BRF1: variants seen among roughly 807,000 people sequenced by gnomAD.
BRF1 encodes BRF1 general transcription factor IIIB subunit.
In BRF1, 59 loss-of-function variants were observed where a neutral mutation model predicts 81.7. The observed-to-expected ratio is 0.72, with a 90% confidence interval of 0.59 to 0.90. The LOEUF (loss-of-function observed/expected upper bound fraction) is 0.90. BRF1 is among the 40% of genes least tolerant of loss of function. The probability of loss-of-function intolerance (pLI) is 0.00; values close to 1 mark genes in which losing one functional copy is unlikely to be tolerated. For synonymous variants in BRF1, 491 were observed against 395.6 expected, an observed-to-expected ratio of 1.24 and a Z score of -2.86; for missense variants, 1,050 against 936.3, an observed-to-expected ratio of 1.12 and a Z score of -1.58.
chr14:105,268,571 G>A (rs2056524236), intron 3 of BRF1, among the ~76,000 whole-genome samples: 1 of 152,262 alleles, frequency 6.6e-6, no homozygotes, highest in South Asian at 2.1e-4. Context: ...TGGGCAGAAG[G>A]AGGAATAAGC....
Position 105,262,281 on chromosome 14 carries a change from C to T in BRF1, c.440-5732G>A, listed in dbSNP as rs587662151. On this transcript the variant is annotated intron_variant, in intron 3 of 17. Coordinates refer to ENST00000547530, the MANE Select transcript of BRF1 (RefSeq NM_001519.4). ...TAGGTCATGAGCAGCCCTGCCCTCC[C>T]GAACTTCCCAGAGACCACCCTGCTC... 5.9e-5 allele frequency among the ~76,000 whole-genome samples: 9 copies of T among 152,314 alleles called. No individual in the cohort carries two copies. In the South Asian group the frequency reaches 8.3e-4, roughly 14 times the overall value.
chr14:105,270,210 G>A lies in BRF1; in HGVS notation c.439+2511C>T, dbSNP rs180869391. Among the ~76,000 whole-genome samples the A allele has an allele frequency of 2.2e-3, 324 of 144,046 alleles. 2 individuals are homozygous for A. Among genetic ancestry groups the A allele is most frequent in the African/African-American group, 8.0e-3 (309 of 38,556 alleles). 94.5% of individuals were successfully genotyped at this position (144,046 alleles called of 152,430 possible). On this transcript the variant is annotated intron_variant, in intron 3 of 17. Transcript: ENST00000547530. ...TTTTTTTGAGACGGAGTCTCACTCT[G>A]TAGCCCAGGCTGGAGTGCAGTGGCG...
chr14:105,226,280 A>G lies in BRF1; in HGVS notation c.926T>C (p.Val309Ala), dbSNP rs937916073. The part of the protein sequence containing the change: ...RKLRMKQLEQ[V>A]LSKKLEEVEG... ...AACCTCCTCCAGTTTTTTTGACAGGACTTGTTCAAGCTGAAAGGGAACAGG... is the reference window on the plus strand; with the variant it reads ...AACCTCCTCCAGTTTTTTTGACAGGGCTTGTTCAAGCTGAAAGGGAACAGG... The change falls in exon 9 of 18, where the codon GTC (valine) becomes GCC (alanine). Residue 309 changes from valine to alanine, a missense_variant. Val to Ala is a moderately conservative substitution (Grantham distance 64). Transcript: ENST00000547530. 2.5e-6 allele frequency: 4 copies of G among 1,614,056 alleles called. No individual in the cohort carries two copies. Among genetic ancestry groups the G allele is most frequent in the Admixed American group, 3.3e-5 (2 of 60,024 alleles).
chr14:105,254,251 TTTTG>T (rs1294369131), intron 4 of BRF1, among the ~76,000 whole-genome samples: 2 of 152,158 alleles, frequency 1.3e-5, no homozygotes, highest in Non-Finnish European at 2.9e-5. Context: ...CGTGCAGTTT[TTTTG>T]TTTTAGTTTG....
Position 105,218,591 on chromosome 14 carries a change from CAG to C in BRF1, c.1515+405_1515+406del, listed in dbSNP as rs1423857093. On this transcript the variant is annotated intron_variant, in intron 14 of 17. Coordinates refer to ENST00000547530, the MANE Select transcript of BRF1 (RefSeq NM_001519.4). Reference sequence around the variant, plus strand: ...CCACGAGGCTGAAGGCACATTCCGCCAGAGAGTAAGCTGGCAGAGCAAGTCAC... The same window carrying C: ...CCACGAGGCTGAAGGCACATTCCGCCAGAGTAAGCTGGCAGAGCAAGTCAC... Among the ~76,000 whole-genome samples the C allele has an allele frequency of 3.3e-5, 5 of 152,214 alleles. No homozygotes were observed. In the East Asian group the frequency reaches 7.7e-4, roughly 23 times the overall value.
Position 105,263,732 on chromosome 14 carries a change from T to C in BRF1, c.440-7183A>G, listed in dbSNP as rs142335583. ...CGAGGTCAGGAGATCGAGACCATCCTGGCTAACACGGCGAAACCCTGTCTC... is the reference window on the plus strand; with the variant it reads ...CGAGGTCAGGAGATCGAGACCATCCCGGCTAACACGGCGAAACCCTGTCTC... On this transcript the variant is annotated intron_variant, in intron 3 of 17. Transcript: ENST00000547530. Among the ~76,000 whole-genome samples, 503 of 152,198 alleles carry C rather than the reference T, an allele frequency of 3.3e-3. 3 individuals carry two copies. The highest frequency in any genetic ancestry group is 0.014 in the East Asian group (75 of 5,180).
intron 1 of BRF1, among the ~76,000 whole-genome samples, chr14:105,307,431 C>T (rs1390968657): frequency 6.6e-6 from 1 of 152,184 alleles, no homozygotes; most frequent in Non-Finnish European, 1.5e-5. Flanking sequence ...AATAAAGGCT[C>T]TTGCCCACCC....
intron 15 of BRF1, 60 bp from the exon 16 acceptor site, chr14:105,212,224 G>A (rs1427295704): frequency 9.6e-6 from 15 of 1,567,444 alleles, no homozygotes; most frequent in Non-Finnish European, 1.2e-5. Flanking sequence ...CTGCCCACTT[G>A]TTCCCTTTTG....
rs1444225051 is a variant in BRF1 at position 105,266,770 on chromosome 14, C to CG, written c.439+5950dup. ...TTAGAAAGGAAGAACCAAGGCTGGG[C>CG]GGGGGGTTCACACCTAGAATCCCAG... On this transcript the variant is annotated intron_variant, in intron 3 of 17. Transcript: ENST00000547530. 2.0e-5 allele frequency among the ~76,000 whole-genome samples: 3 copies of CG among 151,880 alleles called. No individual in the cohort carries two copies. The East Asian group carries it at 5.8e-4, about 29-fold the overall frequency.
At chr14:105,308,026 A>T (rs967044069) in intron 1 of BRF1, among the ~76,000 whole-genome samples, 2 of 150,904 alleles carry the variant, frequency 1.3e-5, no homozygotes, top group African/African-American at 4.9e-5. Flanking sequence ...TCTACAAAAA[A>T]TTTAAAAATT....
rs587712660 is a variant in BRF1 at position 105,312,287 on chromosome 14, A to G, written c.-162+3035T>C. On this transcript the variant is annotated intron_variant, in intron 1 of 17. Coordinates refer to the BRF1 transcript ENST00000327359. ...TTGGGGCTTCGTCTTTTTAATACCA[A>G]TGGAATCCTAGCCAAGCATTCAGAA... 5.3e-5 allele frequency among the ~76,000 whole-genome samples: 8 copies of G among 152,276 alleles called. No homozygotes were observed. The South Asian group carries it at 6.2e-4, about 12-fold the overall frequency.
intron 6 of BRF1, among the ~76,000 whole-genome samples, chr14:105,229,465 G>A (rs2054362253): frequency 6.6e-6 from 1 of 152,236 alleles, no homozygotes; most frequent in Non-Finnish European, 1.5e-5. Context: ...ACGAGGGTAA[G>A]GGCCCGGATG....
At chr14:105,211,983 T>G in intron 16 of BRF1, 130 bp downstream of exon 16, 1 of 1,355,088 alleles carries the variant, frequency 7.4e-7, no homozygotes, top group Non-Finnish European at 1.0e-6. Flanking sequence ...GCCAGGCAAG[T>G]ATGGGGCAGC....
At chr14:105,217,316 T>A in intron 15 of BRF1, 1 of 657,898 alleles carries the variant, frequency 1.5e-6, no homozygotes, top group African/African-American at 1.8e-5. Flanking sequence ...AGGACCCCCC[T>A]GACAGCTGGA....
At position 105,219,777 on chromosome 14, in the gene BRF1, C is replaced by A. The variant is rs1362667425; in HGVS notation, c.1377+292G>T. ...TGTCTAGAGACCCCTCGAGGGGCTGCCCCTGGTGCTATTTGTGCGATGTGT... is the reference window on the plus strand; with the variant it reads ...TGTCTAGAGACCCCTCGAGGGGCTGACCCTGGTGCTATTTGTGCGATGTGT... On this transcript the variant is annotated intron_variant, in intron 12 of 17. Transcript: ENST00000547530. 30 of 524,840 alleles carry A rather than the reference C, an allele frequency of 5.7e-5. No homozygotes were observed. In the South Asian group the frequency reaches 7.0e-4, roughly 12 times the overall value. 32.5% of individuals were successfully genotyped at this position (524,840 alleles called of 1,614,324 possible).
intron 2 of BRF1, among the ~76,000 whole-genome samples, chr14:105,281,106 T>C (rs1371254407): frequency 2.3e-4 from 27 of 116,566 alleles, no homozygotes; most frequent in South Asian, 6.4e-4. Context: ...CCCAGGTGTG[T>C]GGATACAGCC....
chr14:105,219,467 G>C, intron 12 of BRF1: 1 of 860,338 alleles, frequency 1.2e-6, no homozygotes. Flanking sequence ...AGACCCCCTA[G>C]GGCAGCTTGC....
At chr14:105,218,116 G>A (rs746631632) in intron 14 of BRF1, among the ~76,000 whole-genome samples, 3 of 152,214 alleles carry the variant, frequency 2.0e-5, no homozygotes, top group Non-Finnish European at 2.9e-5. Context: ...ACAGGGCAGG[G>A]CCACATGCAC....
intron 4 of BRF1, among the ~76,000 whole-genome samples, chr14:105,255,470 G>T (rs1373947833): frequency 6.6e-6 from 1 of 152,252 alleles, no homozygotes; most frequent in Non-Finnish European, 1.5e-5. Context: ...AGGACCAGAG[G>T]TGGCAGCACA....
Sources: gnomAD v4.1 joint callset for allele counts (sites outside exome capture counted in the v4.1 genomes callset) on GRCh38, gnomAD v4.1.1 for gene constraint, MANE v1.5 for transcripts, NCBI Gene and HGNC (gene_info 2026-07-23, HGNC 2026-07-21) for gene names.